The following KDM4C variants were observed in gnomAD, a reference collection of about 807,000 sequenced individuals.
KDM4C encodes lysine demethylase 4C.
KDM4C carries 81 observed loss-of-function variants against 129.3 expected under a neutral mutation model. The ratio of observed to expected loss-of-function variants is 0.63; its 90% confidence interval spans 0.52 to 0.75. The LOEUF (loss-of-function observed/expected upper bound fraction) is 0.75. Ranked by LOEUF, KDM4C falls within the 30% of genes least tolerant of loss-of-function variation. The probability of loss-of-function intolerance (pLI) is 0.00; values close to 1 mark genes in which losing one functional copy is unlikely to be tolerated. For synonymous variants in KDM4C, 573 were observed against 456.1 expected (o/e 1.26, Z -3.26); for missense variants, 1,457 against 1,304.0 (o/e 1.12, Z -1.81).
chr9:7,040,404 TGC>T (rs1174806282), intron 15 of KDM4C, among the ~76,000 whole-genome samples: 8 of 145,698 alleles, frequency 5.5e-5, no homozygotes, highest in Non-Finnish European at 9.0e-5. Flanking sequence ...TGTGTGTGTG[TGC>T]GTGTGTATGT....
At chr9:6,960,619 A>ATG (rs1829875422) in intron 8 of KDM4C, among the ~76,000 whole-genome samples, 2 of 152,218 alleles carry the variant, frequency 1.3e-5, no homozygotes, top group African/African-American at 4.8e-5. Flanking sequence ...AGTTCTTTAA[A>ATG]GAGTGTCGTA....
At chr9:7,142,129 T>C (rs1199821822) in intron 19 of KDM4C, among the ~76,000 whole-genome samples, 1 of 152,246 alleles carries the variant, frequency 6.6e-6, no homozygotes, top group African/African-American at 2.4e-5. Flanking sequence ...GAGCATATGA[T>C]TACACATATG....
chr9:6,797,856 C>A (rs1055993612), intron 2 of KDM4C, among the ~76,000 whole-genome samples: 7 of 152,194 alleles, frequency 4.6e-5, no homozygotes, highest in African/African-American at 1.7e-4. Flanking sequence ...GAATAGGGGC[C>A]AGGCTGGGTT....
chr9:6,813,837 T>TA (rs1364444965), intron 3 of KDM4C, among the ~76,000 whole-genome samples: 2 of 152,214 alleles, frequency 1.3e-5, no homozygotes, highest in African/African-American at 2.4e-5. Context: ...TACACACTAT[T>TA]ATGTAACCTG....
intron 15 of KDM4C, among the ~76,000 whole-genome samples, chr9:7,041,395 C>A (rs981042192): frequency 6.6e-6 from 1 of 151,958 alleles, no homozygotes; most frequent in African/African-American, 2.4e-5. Flanking sequence ...GGTCTTGGAA[C>A]CAATCTCCCT....
At chr9:6,926,360 C>G (rs146521866) in intron 8 of KDM4C, among the ~76,000 whole-genome samples, 2 of 72,382 alleles carry the variant, frequency 2.8e-5, no homozygotes, top group East Asian at 5.8e-4. Context: ...AAAAAAGGAC[C>G]AAAATAAAAA....
intron 1 of KDM4C, among the ~76,000 whole-genome samples, chr9:6,761,257 C>T (rs898543012): frequency 6.6e-6 from 1 of 152,058 alleles, no homozygotes; most frequent in Non-Finnish European, 1.5e-5. Context: ...GATCCGCCCA[C>T]CTTGGACTCC....
intron 15 of KDM4C, among the ~76,000 whole-genome samples, chr9:7,033,131 G>A (rs1427062996): frequency 6.9e-6 from 1 of 144,728 alleles, no homozygotes; most frequent in East Asian, 2.0e-4. Flanking sequence ...CCTCTGATCT[G>A]TTTTATGCTG....
intron 1 of KDM4C, among the ~76,000 whole-genome samples, chr9:6,778,347 C>T (rs1457140490): frequency 6.6e-6 from 1 of 151,500 alleles, no homozygotes; most frequent in Non-Finnish European, 1.5e-5. Flanking sequence ...GCTTGGGCCT[C>T]CCAAAGTCCT....
chr9:7,072,284 C>G (rs1833306048), intron 17 of KDM4C, among the ~76,000 whole-genome samples: 2 of 152,118 alleles, frequency 1.3e-5, no homozygotes, highest in African/African-American at 4.8e-5. Context: ...AGCATACCAT[C>G]CAGCAATCCC....
intron 8 of KDM4C, among the ~76,000 whole-genome samples, chr9:6,961,341 C>G (rs1205921641): frequency 6.6e-6 from 1 of 152,082 alleles, no homozygotes; most frequent in Non-Finnish European, 1.5e-5. Flanking sequence ...AATAGAAGAA[C>G]CATATTACAT....
intron 15 of KDM4C, among the ~76,000 whole-genome samples, chr9:7,034,523 A>G (rs994340934): frequency 6.6e-6 from 1 of 152,224 alleles, no homozygotes; most frequent in African/African-American, 2.4e-5. Context: ...GTTGCAAATG[A>G]CAAGATTTCA....
chr9:6,760,540 TTTTTTATTTA>T (rs1563943256), intron 1 of KDM4C, among the ~76,000 whole-genome samples: 2 of 144,498 alleles, frequency 1.4e-5, no homozygotes, highest in African/African-American at 5.2e-5. Context: ...GGTGATACTC[TTTTTTATTTA>T]TTTATTTATT....
chr9:7,015,866 T>G lies in KDM4C; in HGVS notation c.2196T>G (p.Ile732Met), dbSNP rs761581421. 1.9e-6 allele frequency: 3 copies of G among 1,611,750 alleles called. No homozygotes were observed. Among genetic ancestry groups the G allele is most frequent in the Non-Finnish European group, 2.5e-6 (3 of 1,178,026 alleles). ...CVRVHASCYG[I>M]PSHEICDGWL... ...ATTATTTTATAGGTTGTTATGGTAT[T>G]CCTTCTCATGAGATCTGTGATGGAT... is the stretch of plus-strand genomic sequence containing the variant. Residue 732 changes from isoleucine (I) to methionine (M), a missense_variant, in exon 15 of 22, where the codon ATT becomes ATG. Ile to Met is a conservative substitution (Grantham distance 10). Transcript: ENST00000381309.
chr9:6,890,884 G>C (rs113512977), intron 7 of KDM4C, among the ~76,000 whole-genome samples: 4,695 of 152,322 alleles, frequency 0.031, 254 homozygotes, highest in African/African-American at 0.11. Flanking sequence ...ACGTGGCTCA[G>C]ATAATGGAGC....
At chr9:7,043,209 C>T (rs1295719259) in intron 15 of KDM4C, among the ~76,000 whole-genome samples, 1 of 151,928 alleles carries the variant, frequency 6.6e-6, no homozygotes, top group Non-Finnish European at 1.5e-5. Flanking sequence ...GCTTTCAATA[C>T]ATGTCTCTGT....
intron 17 of KDM4C, chr9:7,077,108 T>C: frequency 3.0e-6 from 3 of 985,460 alleles, no homozygotes; most frequent in African/African-American, 3.5e-5. Flanking sequence ...GGGTGATATA[T>C]GCTATCGAAA....
chr9:7,058,155 T>C (rs1831130590), intron 17 of KDM4C, among the ~76,000 whole-genome samples: 1 of 152,200 alleles, frequency 6.6e-6, no homozygotes, highest in Non-Finnish European at 1.5e-5. Context: ...GGGCCAGCAG[T>C]CAGAAGAGTT....
intron 18 of KDM4C, among the ~76,000 whole-genome samples, chr9:7,111,514 T>C (rs2133218472): frequency 6.6e-6 from 1 of 152,314 alleles, no homozygotes; most frequent in Admixed American, 6.5e-5. Context: ...AGTTTACGTT[T>C]ATATAACTTG....
Sources: allele counts gnomAD v4.1 joint callset (sites outside exome capture counted in the v4.1 genomes callset), GRCh38; gene constraint gnomAD v4.1.1; transcripts MANE v1.5; gene names NCBI Gene and HGNC (gene_info 2026-07-23, HGNC 2026-07-21).